Variants in TUSC3 observed in about 807,000 individuals in gnomAD.
TUSC3 encodes tumor suppressor candidate 3.
Under a neutral mutation model 44.8 loss-of-function variants are expected in TUSC3, and 45 were observed. The ratio of observed to expected loss-of-function variants is 1.00; its 90% confidence interval spans 0.79 to 1.29. TUSC3 has a LOEUF of 1.29. TUSC3 is among the 50% of genes most tolerant of loss of function. TUSC3 has a pLI of 0.00. For synonymous variants in TUSC3, 212 were observed against 152.9 expected, an observed-to-expected ratio of 1.39 and a Z score of -2.85; for missense variants, 519 against 437.9, an observed-to-expected ratio of 1.19 and a Z score of -1.65.
chr8:15,784,723 G>A, the TUSC3 span, among the ~76,000 whole-genome samples: 1 of 152,064 alleles, frequency 6.6e-6, no homozygotes, highest in Admixed American at 6.6e-5. Flanking sequence ...CAAACCCATC[G>A]AAGCAGAGAA....
chr8:15,757,243 A>G (rs1811963722), intron 9 of TUSC3, among the ~76,000 whole-genome samples: 1 of 152,224 alleles, frequency 6.6e-6, no homozygotes, highest in South Asian at 2.1e-4. Context: ...GGACACAGAA[A>G]GTGGCTTCCA....
chr8:15,660,341 A>G (rs1807361424), intron 4 of TUSC3, among the ~76,000 whole-genome samples: 1 of 152,116 alleles, frequency 6.6e-6, no homozygotes, highest in Non-Finnish European at 1.5e-5. Flanking sequence ...ATTTCAAAGT[A>G]GGTTAGAAAA....
intron 1 of TUSC3, among the ~76,000 whole-genome samples, chr8:15,547,521 A>T (rs2129135115): frequency 6.6e-6 from 1 of 151,862 alleles, no homozygotes. Flanking sequence ...GGCTTAAATT[A>T]TATCAGGAAA....
intron 1 of TUSC3, among the ~76,000 whole-genome samples, chr8:15,542,202 A>G (rs1020125158): frequency 1.3e-5 from 2 of 152,106 alleles, no homozygotes; most frequent in African/African-American, 4.8e-5. Flanking sequence ...CATCCAGGTC[A>G]TAGGTAGATT....
At chr8:15,554,309 G>C (rs1472141509) in intron 1 of TUSC3, among the ~76,000 whole-genome samples, 3 of 151,702 alleles carry the variant, frequency 2.0e-5, no homozygotes, top group Non-Finnish European at 4.4e-5. Flanking sequence ...TTTAGCCTGT[G>C]AAATGCAAGG....
intron 1 of TUSC3, among the ~76,000 whole-genome samples, chr8:15,576,244 T>G (rs1399367775): frequency 1.9e-5 from 1 of 52,290 alleles, no homozygotes; most frequent in Admixed American, 3.1e-4. Context: ...AATCCTCTGC[T>G]TTTTCTTTCT....
At chr8:15,830,158 CTGT>C in the TUSC3 span, among the ~76,000 whole-genome samples, 1 of 150,726 alleles carries the variant, frequency 6.6e-6, no homozygotes, top group Non-Finnish European at 1.5e-5. Context: ...TTTTTTTTTC[CTGT>C]TGTTAGAGTT....
the TUSC3 span, among the ~76,000 whole-genome samples, chr8:15,774,281 A>G: frequency 6.6e-6 from 1 of 152,214 alleles, no homozygotes; most frequent in Admixed American, 6.5e-5. Flanking sequence ...AGTACTTCAG[A>G]GTACATCCTT....
At chr8:15,725,896 C>A (rs1398293555) in intron 6 of TUSC3, among the ~76,000 whole-genome samples, 1 of 151,966 alleles carries the variant, frequency 6.6e-6, no homozygotes, top group Non-Finnish European at 1.5e-5. Flanking sequence ...AAACTGAGGC[C>A]CAAATTACTG....
chr8:15,548,875 T>C (rs1345585519), intron 1 of TUSC3, among the ~76,000 whole-genome samples: 1 of 151,796 alleles, frequency 6.6e-6, no homozygotes, highest in Non-Finnish European at 1.5e-5. Flanking sequence ...TTGAGGTACA[T>C]GTAGCCCTCC....
intron 2 of TUSC3, among the ~76,000 whole-genome samples, chr8:15,512,253 T>C (rs1271062556): frequency 6.6e-6 from 1 of 152,178 alleles, no homozygotes; most frequent in African/African-American, 2.4e-5. Context: ...TTGGTGGACT[T>C]TGAGTAAAGC....
intron 1 of TUSC3, among the ~76,000 whole-genome samples, chr8:15,554,944 G>C (rs1802189581): frequency 6.6e-6 from 1 of 151,230 alleles, no homozygotes; most frequent in African/African-American, 2.4e-5. Flanking sequence ...TGTGGAAATA[G>C]GTAAATTGAC....
chr8:15,428,787 C>T (rs1423082319), intron 1 of TUSC3, among the ~76,000 whole-genome samples: 3 of 152,136 alleles, frequency 2.0e-5, no homozygotes, highest in Non-Finnish European at 4.4e-5. Context: ...AGTGTCTGTT[C>T]ATATCCTTTG....
chr8:15,774,866 A>G, the TUSC3 span, among the ~76,000 whole-genome samples: 1 of 152,100 alleles, frequency 6.6e-6, no homozygotes, highest in Non-Finnish European at 1.5e-5. Context: ...TGAAGCTCTC[A>G]TACGTTGTGG....
intron 7 of TUSC3, among the ~76,000 whole-genome samples, chr8:15,739,917 C>CTTGT (rs71211078): frequency 0.45 from 68,766 of 151,464 alleles, 15,829 homozygotes; most frequent in East Asian, 0.64. Context: ...CTTCAGTTTC[C>CTTGT]TTGTTTGTAA....
At chr8:15,790,305 C>A in the TUSC3 span, among the ~76,000 whole-genome samples, 1 of 150,480 alleles carries the variant, frequency 6.6e-6, no homozygotes, top group African/African-American at 2.4e-5. Flanking sequence ...CCTGCCTCAG[C>A]CTCCCAAGTA....
intron 1 of TUSC3, among the ~76,000 whole-genome samples, chr8:15,473,994 C>A (rs1800533557): frequency 6.6e-6 from 1 of 152,102 alleles, no homozygotes; most frequent in Non-Finnish European, 1.5e-5. Context: ...TTATCTCAAC[C>A]ACTTAAGACC....
chr8:15,706,434 T>G (rs1809618158), intron 6 of TUSC3, among the ~76,000 whole-genome samples: 1 of 152,020 alleles, frequency 6.6e-6, no homozygotes, highest in Admixed American at 6.6e-5. Flanking sequence ...GTTAAAATAT[T>G]GGTTTTAAGT....
intron 6 of TUSC3, among the ~76,000 whole-genome samples, chr8:15,727,895 A>G (rs1361324645): frequency 1.3e-5 from 2 of 152,162 alleles, no homozygotes; most frequent in Admixed American, 1.3e-4. Context: ...ATCCTATTTT[A>G]AAAATAATTG....
Sources: gnomAD v4.1 joint callset for allele counts (sites outside exome capture counted in the v4.1 genomes callset) on GRCh38, gnomAD v4.1.1 for gene constraint, MANE v1.5 for transcripts, NCBI Gene and HGNC (gene_info 2026-07-23, HGNC 2026-07-21) for gene names.